BMPR2: variants seen among roughly 807,000 people sequenced by gnomAD.
BMPR2 encodes the protein bone morphogenetic protein receptor type 2.
Under a neutral mutation model 100.8 loss-of-function variants are expected in BMPR2, and 29 were observed. That is an observed-to-expected ratio of 0.29 (90% confidence interval 0.21 to 0.39). The LOEUF is 0.39. Ranked by LOEUF, BMPR2 falls within the 10% of genes least tolerant of loss-of-function variation. BMPR2 has a pLI of 1.00. For synonymous variants in BMPR2, 382 were observed against 442.3 expected, an observed-to-expected ratio of 0.86 and a Z score of 1.71; for missense variants, 1,011 against 1,274.5, an observed-to-expected ratio of 0.79 and a Z score of 3.15.
chr2:202,508,327 G>A (rs998774409), intron 3 of BMPR2, among the ~76,000 whole-genome samples: 18 of 150,754 alleles, frequency 1.2e-4, no homozygotes, highest in Non-Finnish European at 2.1e-4. Context: ...TCCTGACCTC[G>A]TGATCCACCC....
At chr2:202,480,196 G>A (rs1452388765) in intron 3 of BMPR2, among the ~76,000 whole-genome samples, 1 of 151,914 alleles carries the variant, frequency 6.6e-6, no homozygotes, top group Admixed American at 6.6e-5. Flanking sequence ...GCAGTGGTGC[G>A]ATGTCAGCTC....
intron 3 of BMPR2, among the ~76,000 whole-genome samples, chr2:202,493,345 A>C (rs1364915146): frequency 6.6e-6 from 1 of 152,146 alleles, no homozygotes; most frequent in Non-Finnish European, 1.5e-5. Context: ...GTTCTATCAT[A>C]TCTAAAAAGT....
chr2:202,426,847 A>G (rs1691396605), intron 1 of BMPR2, among the ~76,000 whole-genome samples: 1 of 152,208 alleles, frequency 6.6e-6, no homozygotes. Flanking sequence ...GTGCCACTGC[A>G]CACTAGCCTG....
intron 1 of BMPR2, among the ~76,000 whole-genome samples, chr2:202,417,723 T>G (rs543330295): frequency 2.8e-4 from 43 of 151,686 alleles, no homozygotes; most frequent in African/African-American, 1.0e-3. Flanking sequence ...ATTCCTTTTT[T>G]TTTTTTCTTT....
chr2:202,460,056 G>A (rs894895477), intron 1 of BMPR2, among the ~76,000 whole-genome samples: 2 of 152,162 alleles, frequency 1.3e-5, no homozygotes, highest in African/African-American at 4.8e-5. Context: ...AAGTCACAAC[G>A]ATATATCATC....
Position 202,555,750 on chromosome 2 carries a change from C to T in BMPR2, c.2085C>T (p.Gly695=). Reference sequence around the variant, plus strand: ...AGCACTCTCTTAAACAGTTCAGTGGCCCAGACCCACTGAGCAGTACTAGTT... The same window carrying T: ...AGCACTCTCTTAAACAGTTCAGTGGTCCAGACCCACTGAGCAGTACTAGTT... ...LMEHSLKQFS[G]PDPLSSTSSS... is the part of the protein sequence containing the mutation. Residue 695 remains glycine (G), a synonymous_variant, in exon 12 of 13, where the codon GGC becomes GGT. Coordinates refer to ENST00000374580, the MANE Select transcript of BMPR2 (RefSeq NM_001204.7). 6 of 1,614,114 alleles carry T rather than the reference C, an allele frequency of 3.7e-6. No homozygotes were observed. The highest frequency in any genetic ancestry group is 5.1e-6 in the Non-Finnish European group (6 of 1,180,030).
At chr2:202,441,586 C>T (rs1241081762) in intron 1 of BMPR2, among the ~76,000 whole-genome samples, 1 of 147,346 alleles carries the variant, frequency 6.8e-6, no homozygotes, top group African/African-American at 2.6e-5. Context: ...GGCGTGGTGG[C>T]GGGTGCCTGT....
In BMPR2 at chr2:202,384,564, CTTTCT is replaced by C. The variant is rs1559020821; in HGVS notation, c.76+7018_76+7022del. Among the ~76,000 whole-genome samples the C allele has an allele frequency of 1.3e-3, 37 of 28,970 alleles. 1 individual carries two copies. Among genetic ancestry groups the C allele is most frequent in the African/African-American group, 3.8e-3 (26 of 6,930 alleles). 19.0% of individuals were successfully genotyped at this position (28,970 alleles called of 152,430 possible). Reference sequence around the variant, plus strand: ...TCTTTCTTTCTTTCTTTCTTTCTTTCTTTCTTTTTCTTTCTTTTCTTTCTTTTCTT... The same window carrying C: ...TCTTTCTTTCTTTCTTTCTTTCTTTCTTTTCTTTCTTTTCTTTCTTTTCTT... On this transcript the variant is annotated intron_variant, in intron 1 of 12. Coordinates refer to ENST00000374580, the MANE Select transcript of BMPR2 (RefSeq NM_001204.7).
At chr2:202,425,281 C>G (rs1214674433) in intron 1 of BMPR2, among the ~76,000 whole-genome samples, 1 of 152,164 alleles carries the variant, frequency 6.6e-6, no homozygotes, top group Non-Finnish European at 1.5e-5. Flanking sequence ...AGAATAGATT[C>G]AGTCTGCCGC....
chr2:202,443,524 TTCTTTCTCTCTCTCTTTCTGTCTCTC>T (rs1254372105), intron 1 of BMPR2, among the ~76,000 whole-genome samples: 2 of 149,968 alleles, frequency 1.3e-5, no homozygotes, highest in Non-Finnish European at 2.9e-5. Flanking sequence ...TTTCTTTCCT[TTCTTTCTCTCTCTCTTTCTGTCTCTC>T]TCTTTCTCTC....
At chr2:202,470,252 G>A (rs1482052022) in intron 3 of BMPR2, among the ~76,000 whole-genome samples, 1 of 152,076 alleles carries the variant, frequency 6.6e-6, no homozygotes. Flanking sequence ...TGAGACAGGA[G>A]AATCACTTGA....
chr2:202,494,210 G>A (rs562852107), intron 3 of BMPR2, among the ~76,000 whole-genome samples: 5 of 152,282 alleles, frequency 3.3e-5, no homozygotes, highest in Non-Finnish European at 5.9e-5. Flanking sequence ...TGATCACATC[G>A]TTTTGGATTT....
chr2:202,537,952 G>A (rs1374348858), intron 9 of BMPR2, among the ~76,000 whole-genome samples: 8 of 151,588 alleles, frequency 5.3e-5, no homozygotes, highest in Admixed American at 2.6e-4. Flanking sequence ...GTGAAACCCC[G>A]CTCTACTACA....
chr2:202,451,117 G>A (rs1691969792), intron 1 of BMPR2, among the ~76,000 whole-genome samples: 1 of 152,096 alleles, frequency 6.6e-6, no homozygotes, highest in African/African-American at 2.4e-5. Context: ...TACAACTACT[G>A]AAAAATGGGT....
intron 1 of BMPR2, among the ~76,000 whole-genome samples, chr2:202,464,159 C>CAAAAAAAAAAAAAAAAAA: frequency 1.6e-5 from 1 of 62,972 alleles, no homozygotes; most frequent in Non-Finnish European, 2.8e-5. Context: ...AACTCTGTCT[C>CAAAAAAAAAAAAAAAAAA]AAAAAAAAAA....
chr2:202,473,609 GA>G (rs1692479063), intron 3 of BMPR2, among the ~76,000 whole-genome samples: 1 of 151,868 alleles, frequency 6.6e-6, no homozygotes, highest in African/African-American at 2.4e-5. Context: ...GGCCAACATG[GA>G]AAAACCCTGT....
At chr2:202,388,506 C>T (rs971546346) in intron 1 of BMPR2, among the ~76,000 whole-genome samples, 5 of 151,624 alleles carry the variant, frequency 3.3e-5, no homozygotes, top group African/African-American at 7.3e-5. Flanking sequence ...CAAGATACGC[C>T]GGGTGCAGTG....
chr2:202,512,433 C>T lies in BMPR2; in HGVS notation c.419-1286C>T, dbSNP rs546360632. On this transcript the variant is annotated intron_variant, in intron 3 of 12. Coordinates refer to ENST00000374580, the MANE Select transcript of BMPR2 (RefSeq NM_001204.7). ...AGGTCTGTTTATAAGCCATGCTTTTCTGTATGCTCAACTAAAGGCTCTTAT... is the reference window on the plus strand; with the variant it reads ...AGGTCTGTTTATAAGCCATGCTTTTTTGTATGCTCAACTAAAGGCTCTTAT... Among the ~76,000 whole-genome samples the T allele has an allele frequency of 6.6e-4, 101 of 152,316 alleles. 1 individual carries two copies. Among genetic ancestry groups the T allele is most frequent in the African/African-American group, 2.3e-3 (95 of 41,578 alleles).
At chr2:202,391,758 A>G (rs1426848838) in intron 1 of BMPR2, among the ~76,000 whole-genome samples, 1 of 148,424 alleles carries the variant, frequency 6.7e-6, no homozygotes, top group Non-Finnish European at 1.5e-5. Context: ...GCTACAGTCT[A>G]CACTTTTTTC....
Sources: gnomAD v4.1 joint callset for allele counts (sites outside exome capture counted in the v4.1 genomes callset) on GRCh38, gnomAD v4.1.1 for gene constraint, MANE v1.5 for transcripts, NCBI Gene and HGNC (gene_info 2026-07-23, HGNC 2026-07-21) for gene names.